The following TSPAN7 variants were observed in gnomAD, a reference collection of about 807,000 sequenced individuals.
The protein encoded by TSPAN7 is tetraspanin-7.
In TSPAN7, 1 loss-of-function variant was observed where a neutral mutation model predicts 17.6. The ratio of observed to expected loss-of-function variants is 0.06; its 90% CI spans 0.02 to 0.27. The LOEUF (loss-of-function observed/expected upper bound fraction) is 0.27. TSPAN7 is among the 10% of genes least tolerant of loss of function. The probability of loss-of-function intolerance (pLI) is 1.00; values close to 1 mark genes in which losing one functional copy is unlikely to be tolerated. For synonymous variants in TSPAN7, 78 were observed against 79.0 expected, an observed-to-expected ratio of 0.99 and a Z score of 0.07; for missense variants, 112 against 201.7, an observed-to-expected ratio of 0.56 and a Z score of 2.69.
chrX:38,562,932 C>T, intron 1 of TSPAN7: 1 of 929,721 alleles, frequency 1.1e-6, no homozygotes, highest in Non-Finnish European at 1.4e-6. Flanking sequence ...TCACCCCCGC[C>T]CCTCACCCAC....
chrX:38,678,478 T>A (rs749112068), intron 5 of TSPAN7, among the ~76,000 whole-genome samples: 1 of 112,038 alleles, frequency 8.9e-6, no homozygotes, highest in South Asian at 3.7e-4. Flanking sequence ...GACTTTCATA[T>A]TAGGAAATTG....
intron 1 of TSPAN7, among the ~76,000 whole-genome samples, chrX:38,604,767 A>G (rs2069368266): frequency 9.0e-6 from 1 of 111,156 alleles, no homozygotes; most frequent in Admixed American, 9.5e-5. Flanking sequence ...ACACAAATCA[A>G]TAAATGTAAT....
intron 5 of TSPAN7, among the ~76,000 whole-genome samples, chrX:38,679,566 G>A (rs1023253479): frequency 1.7e-4 from 19 of 110,902 alleles, no homozygotes; most frequent in Non-Finnish European, 5.7e-5. Flanking sequence ...TTGGGAAGCC[G>A]AAGTGGGTGG....
chrX:38,662,267 T>TC (rs753465507), intron 1 of TSPAN7, among the ~76,000 whole-genome samples: 140 of 112,193 alleles, frequency 1.2e-3, no homozygotes, highest in Admixed American at 5.5e-3. Context: ...CCTTGTTATT[T>TC]CCCCAGATTA....
At position 38,687,953 on chromosome X, in the gene TSPAN7, C is replaced by T. The variant is rs1181428207; in HGVS notation, c.*22C>T. ...TTCTCTCTTAGTCTTTCAAGAATGA[C>T]GGAATAAGAGACCTGTTTTAAAAAG... On this transcript the variant is annotated 3_prime_UTR_variant, in exon 8 of 8. Coordinates refer to ENST00000378482, the MANE Select transcript of TSPAN7 (RefSeq NM_004615.4). The T allele has an allele frequency of 1.6e-5, 4 of 246,906 alleles. No individual in the cohort carries two copies. The highest frequency in any genetic ancestry group is 1.4e-4 in the South Asian group (1 of 7,132). 20.3% of individuals were successfully genotyped at this position (246,906 alleles called of 1,213,427 possible). A position where few individuals can be genotyped will look rare whatever the true frequency, so the allele number is the denominator to read the frequency against.
At position 38,687,681 on chromosome X, in the gene TSPAN7, G is replaced by A; in HGVS notation, c.*7+7G>A. ...GAGATGGTGTAAGGAGAAGGTAGGT[G>A]ACAGTGGGGAGTGTTTAATTTTGAG... On this transcript the variant is annotated splice_region_variant and intron_variant, in intron 7 of 7. Transcript: ENST00000378482. The A allele has an allele frequency of 2.5e-6, 3 of 1,204,116 alleles. No individual in the cohort carries two copies. In the South Asian group the frequency reaches 5.4e-5, roughly 22 times the overall value.
chrX:38,623,697 T>C (rs2069502779), intron 1 of TSPAN7, among the ~76,000 whole-genome samples: 1 of 108,010 alleles, frequency 9.3e-6, no homozygotes, highest in African/African-American at 3.4e-5. Flanking sequence ...TCCTGAAAAC[T>C]CGTAGACTTT....
chrX:38,564,830 T>A (rs1014786936), intron 1 of TSPAN7, among the ~76,000 whole-genome samples: 18 of 111,913 alleles, frequency 1.6e-4, no homozygotes, highest in Admixed American at 3.8e-4. Flanking sequence ...GGGGTTTTTT[T>A]ATATTAAGTA....
intron 1 of TSPAN7, among the ~76,000 whole-genome samples, chrX:38,642,955 G>T (rs1220895121): frequency 9.0e-6 from 1 of 111,537 alleles, no homozygotes; most frequent in Non-Finnish European, 1.9e-5. Context: ...TGATGATGAT[G>T]ATGTCAGTGA....
chrX:38,591,501 C>T (rs1401619740), intron 1 of TSPAN7, among the ~76,000 whole-genome samples: 1 of 111,812 alleles, frequency 8.9e-6, no homozygotes, highest in Non-Finnish European at 1.9e-5. Flanking sequence ...GTGTATTCTA[C>T]TGTTGTTGGG....
chrX:38,684,070 C>A (rs2069910552), intron 6 of TSPAN7, among the ~76,000 whole-genome samples: 2 of 112,092 alleles, frequency 1.8e-5, no homozygotes, highest in African/African-American at 6.5e-5. Flanking sequence ...CTTTTTCTTG[C>A]CCTTTGCTTT....
chrX:38,676,369 C>T (rs191459981), intron 5 of TSPAN7, among the ~76,000 whole-genome samples: 2 of 110,723 alleles, frequency 1.8e-5, no homozygotes, highest in East Asian at 2.8e-4. Context: ...GTCAACCTCC[C>T]GACTCCCAAA....
At position 38,662,389 on chromosome X, in the gene TSPAN7, A is replaced by G. The variant is rs375466907; in HGVS notation, c.82-3732A>G. Among the ~76,000 whole-genome samples the G allele has an allele frequency of 1.2e-4, 13 of 111,122 alleles. No individual in the cohort carries two copies. In the East Asian group the frequency reaches 2.5e-3, roughly 22 times the overall value. On this transcript the variant is annotated intron_variant, in intron 1 of 7. Transcript: ENST00000378482. ...ACATGAAACTTCTTCTCCTTTCTTA[A>G]CTCTACAATTGGTTGCTTATTCATT...
intron 1 of TSPAN7, among the ~76,000 whole-genome samples, chrX:38,625,457 C>G (rs999789599): frequency 8.9e-6 from 1 of 111,813 alleles, no homozygotes; most frequent in Non-Finnish European, 1.9e-5. Context: ...CACCTCCAAG[C>G]CTTGCCTCCC....
rs1437678575 is a variant in TSPAN7 at position 38,666,138 on chromosome X, G to A, written c.99G>A (p.Leu33=). The change falls in exon 2 of 8, where the codon CTG becomes CTA. Residue 33 remains leucine, a synonymous_variant. Coordinates refer to ENST00000378482, the MANE Select transcript of TSPAN7 (RefSeq NM_004615.4). ...SFVFWITGVI[L]LAVGVWGKLT... is the part of the protein sequence containing the mutation. ...TCTTTCAGATCACTGGGGTGATCCTGCTGGCTGTTGGAGTCTGGGGCAAAC... is the reference window on the plus strand; with the variant it reads ...TCTTTCAGATCACTGGGGTGATCCTACTGGCTGTTGGAGTCTGGGGCAAAC... 5 of 1,210,885 alleles carry A rather than the reference G, an allele frequency of 4.1e-6. No individual in the cohort carries two copies. The South Asian group carries it at 8.8e-5, about 21-fold the overall frequency.
chrX:38,651,326 G>A (rs1286994937), intron 1 of TSPAN7, among the ~76,000 whole-genome samples: 2 of 110,406 alleles, frequency 1.8e-5, no homozygotes, highest in Admixed American at 1.9e-4. Context: ...TTAGCCGGGC[G>A]TGGTGGCGGG....
intron 1 of TSPAN7, among the ~76,000 whole-genome samples, chrX:38,588,341 G>A (rs1007484872): frequency 9.0e-6 from 1 of 111,177 alleles, no homozygotes; most frequent in Non-Finnish European, 1.9e-5. Context: ...AACATTTAGA[G>A]GTATTTAACT....
chrX:38,658,687 C>T (rs2069720366), intron 1 of TSPAN7, among the ~76,000 whole-genome samples: 1 of 110,978 alleles, frequency 9.0e-6, no homozygotes, highest in African/African-American at 3.3e-5. Flanking sequence ...TTCTGTTTCC[C>T]AAGATTCGTT....
At chrX:38,632,775 A>G (rs1280042590) in intron 1 of TSPAN7, among the ~76,000 whole-genome samples, 1 of 112,600 alleles carries the variant, frequency 8.9e-6, no homozygotes, top group Non-Finnish European at 1.9e-5. Context: ...TGTCATCACT[A>G]TTAGTGAGAT....
Sources: allele counts gnomAD v4.1 joint callset (sites outside exome capture counted in the v4.1 genomes callset), GRCh38; gene constraint gnomAD v4.1.1; transcripts MANE v1.5; gene names NCBI Gene and HGNC (gene_info 2026-07-23, HGNC 2026-07-21).